WWOX: variants seen among roughly 807,000 people sequenced by gnomAD.
WWOX encodes the protein WW domain-containing oxidoreductase.
A neutral mutation model predicts 46.2 loss-of-function variants in WWOX; 69 were observed. That is an observed-to-expected ratio of 1.49 (90% CI 1.23 to 1.82). The LOEUF (loss-of-function observed/expected upper bound fraction) is 1.82, where lower values mean the gene tolerates loss of function less well. Among genes scored for constraint, WWOX ranks in the 40% most tolerant of loss-of-function variants. WWOX has a pLI of 0.00. For missense variants in WWOX, 919 were observed against 542.6 expected (o/e 1.69, Z -6.89); for synonymous variants, 359 against 202.6 (o/e 1.77, Z -6.56).
At chr16:78,758,571 A>G (rs571501200) in intron 8 of WWOX, among the ~76,000 whole-genome samples, 13 of 152,258 alleles carry the variant, frequency 8.5e-5, no homozygotes, top group Non-Finnish European at 1.5e-4. Flanking sequence ...TCCAAGTGCT[A>G]CCTCTGCATG....
intron 8 of WWOX, among the ~76,000 whole-genome samples, chr16:79,040,775 A>G (rs1226035704): frequency 6.6e-6 from 1 of 151,958 alleles, no homozygotes; most frequent in Non-Finnish European, 1.5e-5. Context: ...ACACTCTTAG[A>G]CCTTCTTCTG....
chr16:79,208,516 AGTT>A (rs576010704), intron 8 of WWOX, among the ~76,000 whole-genome samples: 9 of 152,220 alleles, frequency 5.9e-5, no homozygotes, highest in African/African-American at 1.9e-4. Flanking sequence ...TTTATAACGG[AGTT>A]GTTAACATTA....
intron 8 of WWOX, among the ~76,000 whole-genome samples, chr16:78,831,569 G>C (rs1329354271): frequency 2.0e-5 from 3 of 152,318 alleles, no homozygotes; most frequent in East Asian, 3.9e-4. Flanking sequence ...CTGCACACCA[G>C]GAGGCAGGCT....
At chr16:78,859,294 G>T (rs1316096337) in intron 8 of WWOX, among the ~76,000 whole-genome samples, 1 of 151,516 alleles carries the variant, frequency 6.6e-6, no homozygotes, top group Non-Finnish European at 1.5e-5. Context: ...GAATGGAATT[G>T]ATTTTTCCCC....
At chr16:79,140,370 T>G (rs925430844) in intron 8 of WWOX, among the ~76,000 whole-genome samples, 1 of 152,178 alleles carries the variant, frequency 6.6e-6, no homozygotes, top group African/African-American at 2.4e-5. Context: ...TGAATCGAAC[T>G]TCCACCGCAG....
intron 8 of WWOX, among the ~76,000 whole-genome samples, chr16:79,047,318 C>A (rs1466459541): frequency 2.0e-5 from 3 of 152,134 alleles, no homozygotes; most frequent in Non-Finnish European, 4.4e-5. Flanking sequence ...TTCTTAGATT[C>A]CCTTGAGCCG....
At chr16:78,820,697 C>T (rs536260846) in intron 8 of WWOX, among the ~76,000 whole-genome samples, 1 of 152,266 alleles carries the variant, frequency 6.6e-6, no homozygotes, top group Admixed American at 6.5e-5. Context: ...CTGGGCCTGC[C>T]ATAACAAATT....
chr16:78,837,489 A>G (rs1476214349), intron 8 of WWOX, among the ~76,000 whole-genome samples: 3 of 152,246 alleles, frequency 2.0e-5, no homozygotes, highest in South Asian at 2.1e-4. Context: ...AGGCTTGTTC[A>G]AAGGCCTTTG....
intron 8 of WWOX, among the ~76,000 whole-genome samples, chr16:78,757,712 T>C (rs2049689920): frequency 1.3e-5 from 2 of 151,836 alleles, no homozygotes; most frequent in Admixed American, 6.6e-5. Context: ...AATAAATCCA[T>C]TTTTATTTAT....
At chr16:78,893,484 G>A (rs113569883) in intron 8 of WWOX, among the ~76,000 whole-genome samples, 2,450 of 152,206 alleles carry the variant, frequency 0.016, 73 homozygotes, top group African/African-American at 0.055. Flanking sequence ...GCTAGAACAA[G>A]TGCCTGAAAT....
chr16:79,052,265 C>T (rs2048182992), intron 8 of WWOX, among the ~76,000 whole-genome samples: 1 of 143,806 alleles, frequency 7.0e-6, no homozygotes, highest in Non-Finnish European at 1.5e-5. Flanking sequence ...GTTCAGTTGT[C>T]ACCTATGAGT....
At position 79,212,158 on chromosome 16, in the gene WWOX, C is replaced by G. The variant is rs187870156; in HGVS notation, c.*362C>G. On this transcript the variant is annotated 3_prime_UTR_variant, in exon 9 of 9. Coordinates refer to ENST00000566780, the MANE Select transcript of WWOX (RefSeq NM_016373.4). ...GAGGTCCCCTCGTCCCATCCAGCTA[C>G]CACCACGGCCACCACTGCAGCCGGG... 5.0e-5 allele frequency: 74 copies of G among 1,494,296 alleles called. No individual in the cohort carries two copies. The East Asian group carries it at 1.8e-3, about 36-fold the overall frequency. 92.6% of individuals were successfully genotyped at this position (1,494,296 alleles called of 1,614,324 possible). A position where few individuals can be genotyped will look rare whatever the true frequency, so the allele number is the denominator to read the frequency against.
intron 8 of WWOX, among the ~76,000 whole-genome samples, chr16:78,921,523 T>C (rs549036854): frequency 3.8e-4 from 58 of 152,356 alleles, no homozygotes; most frequent in Non-Finnish European, 7.6e-4. Context: ...ACAGTCATTC[T>C]CTTAATCAAG....
At chr16:78,834,280 C>G (rs1476264086) in intron 8 of WWOX, among the ~76,000 whole-genome samples, 1 of 152,104 alleles carries the variant, frequency 6.6e-6, no homozygotes, top group African/African-American at 2.4e-5. Flanking sequence ...GACCATGTCC[C>G]CATTGAACAC....
intron 8 of WWOX, among the ~76,000 whole-genome samples, chr16:78,480,980 C>T (rs545980161): frequency 6.6e-6 from 1 of 152,316 alleles, no homozygotes; most frequent in African/African-American, 2.4e-5. Context: ...AGGATTGGTA[C>T]TTCACCTACT....
intron 8 of WWOX, among the ~76,000 whole-genome samples, chr16:78,735,860 A>G (rs1250368765): frequency 8.9e-6 from 1 of 112,250 alleles, no homozygotes; most frequent in Admixed American, 7.9e-5. Flanking sequence ...TCTCTGCAAC[A>G]GGGCCAGGGA....
At chr16:78,580,006 C>G (rs899443944) in intron 8 of WWOX, among the ~76,000 whole-genome samples, 46 of 152,160 alleles carry the variant, frequency 3.0e-4, no homozygotes, top group African/African-American at 1.0e-3. Context: ...CTTCTTTGTG[C>G]ACATTCCTGC....
At chr16:78,870,793 G>A (rs1261593643) in intron 8 of WWOX, among the ~76,000 whole-genome samples, 1 of 152,148 alleles carries the variant, frequency 6.6e-6, no homozygotes, top group South Asian at 2.1e-4. Flanking sequence ...GTAGAGACGG[G>A]TTTTCACCGT....
At chr16:78,256,450 G>T (rs551200869) in intron 5 of WWOX, among the ~76,000 whole-genome samples, 3 of 151,922 alleles carry the variant, frequency 2.0e-5, no homozygotes, top group Admixed American at 1.3e-4. Flanking sequence ...GGAAATTTTT[G>T]CTCCAATAAA....
Sources: allele counts gnomAD v4.1 joint callset (sites outside exome capture counted in the v4.1 genomes callset), GRCh38; gene constraint gnomAD v4.1.1; transcripts MANE v1.5; gene names NCBI Gene and HGNC (gene_info 2026-07-23, HGNC 2026-07-21).